Variants in MAMLD1 observed in about 807,000 individuals in gnomAD.
MAMLD1 encodes mastermind like domain containing 1, also known as mastermind-like domain-containing protein 1.
In MAMLD1, 14 loss-of-function variants were observed where a neutral mutation model predicts 45.0. The observed-to-expected ratio is 0.31, with a 90% confidence interval of 0.21 to 0.49. The LOEUF (loss-of-function observed/expected upper bound fraction) is 0.49, where lower values mean the gene tolerates loss of function less well. Ranked by LOEUF, MAMLD1 falls within the 20% of genes least tolerant of loss-of-function variation. MAMLD1 has a pLI of 0.99. For missense variants in MAMLD1, 543 were observed against 603.6 expected, an observed-to-expected ratio of 0.90 and a Z score of 1.05; for synonymous variants, 254 against 247.8, an observed-to-expected ratio of 1.02 and a Z score of -0.24.
At chrX:150,453,227 G>A (rs950058682) in intron 2 of MAMLD1, among the ~76,000 whole-genome samples, 1 of 111,778 alleles carries the variant, frequency 8.9e-6, no homozygotes, top group African/African-American at 3.3e-5. Flanking sequence ...TCCAGCCCAC[G>A]GGCTGTTTTT....
At position 150,367,794 on chromosome X, in the gene MAMLD1, G is replaced by T. The variant is rs376378889; in HGVS notation, c.-64+4264G>T. 5.2e-4 allele frequency among the ~76,000 whole-genome samples: 56 copies of T among 108,647 alleles called. No individual in the cohort carries two copies. The East Asian group carries it at 0.015, about 30-fold the overall frequency. The allele number at this position is 108,647 out of a possible 115,157, so 94.3% of individuals were successfully genotyped here. A position where few individuals can be genotyped will look rare whatever the true frequency, so the allele number is the denominator to read the frequency against. On this transcript the variant is annotated intron_variant, in intron 1 of 7. Transcript: ENST00000370401. ...CTCATTGTTCAATTCCCACCTATGA[G>T]TGAGAACATGCGGTGTTTGGTTTTT...
At chrX:150,377,557 G>A (rs1329982589) in intron 1 of MAMLD1, among the ~76,000 whole-genome samples, 6 of 111,232 alleles carry the variant, frequency 5.4e-5, no homozygotes, top group Non-Finnish European at 1.1e-4. Flanking sequence ...CTCTTGTCCT[G>A]CTGTTTCTTA....
intron 1 of MAMLD1, among the ~76,000 whole-genome samples, chrX:150,412,670 GC>G (rs2034152273): frequency 9.1e-6 from 1 of 109,461 alleles, no homozygotes; most frequent in Non-Finnish European, 1.9e-5. Context: ...TCTCTTCCCC[GC>G]CCCATCCATA....
At chrX:150,482,807 A>G (rs2036860105) in intron 5 of MAMLD1, among the ~76,000 whole-genome samples, 1 of 112,495 alleles carries the variant, frequency 8.9e-6, no homozygotes, top group Non-Finnish European at 1.9e-5. Context: ...ATTGAGCATA[A>G]TGGCTGTCCC....
At chrX:150,466,746 G>A (rs1461133532) in intron 3 of MAMLD1, among the ~76,000 whole-genome samples, 1 of 111,810 alleles carries the variant, frequency 8.9e-6, no homozygotes, top group South Asian at 3.8e-4. Context: ...GTGTGTATAC[G>A]GGCTCTCATG....
chrX:150,477,583 T>G lies in MAMLD1; in HGVS notation c.2040+3781T>G, dbSNP rs182320782. Among the ~76,000 whole-genome samples, 770 of 111,545 alleles carry G rather than the reference T, an allele frequency of 6.9e-3. 5 individuals carry two copies. Among genetic ancestry groups the G allele is most frequent in the African/African-American group, 0.021 (645 of 30,689 alleles). On this transcript the variant is annotated intron_variant, in intron 5 of 7. Transcript: ENST00000370401. ...ACAGGTTGGTGACTCCAGAAGGAAG[T>G]AGAGCCGCCAAGCCAGGCTGTGGTT... is the stretch of plus-strand genomic sequence containing the variant.
At chrX:150,487,289 A>G (rs2037023102) in intron 5 of MAMLD1, among the ~76,000 whole-genome samples, 1 of 112,714 alleles carries the variant, frequency 8.9e-6, no homozygotes, top group Non-Finnish European at 1.9e-5. Context: ...TACTGTGTGA[A>G]CAACTTAAAA....
intron 1 of MAMLD1, among the ~76,000 whole-genome samples, chrX:150,415,235 C>A (rs1313233779): frequency 1.4e-4 from 16 of 112,694 alleles, no homozygotes; most frequent in Non-Finnish European, 1.9e-5. Flanking sequence ...GTGTGGGCTA[C>A]CCCCTCTAAC....
chrX:150,499,446 G>A (rs2037488145), intron 5 of MAMLD1, among the ~76,000 whole-genome samples: 2 of 111,967 alleles, frequency 1.8e-5, no homozygotes, highest in South Asian at 7.5e-4. Flanking sequence ...TTGCAAAGCA[G>A]CTGAATATCT....
intron 2 of MAMLD1, among the ~76,000 whole-genome samples, chrX:150,453,717 C>T (rs1054239611): frequency 9.0e-6 from 1 of 111,646 alleles, no homozygotes; most frequent in African/African-American, 3.3e-5. Flanking sequence ...TGCAAATTCA[C>T]GACTACTTCC....
intron 5 of MAMLD1, among the ~76,000 whole-genome samples, chrX:150,501,319 G>GTACTTTAAATA (rs2148354831): frequency 8.9e-6 from 1 of 112,427 alleles, no homozygotes; most frequent in East Asian, 2.8e-4. Flanking sequence ...CTCCAGTGTG[G>GTACTTTAAATA]CTATAAAATG....
rs782619891 is a variant in MAMLD1, at chrX:150,363,711, C to T, written c.-64+181C>T. Among the ~76,000 whole-genome samples, 10 of 112,775 alleles carry T rather than the reference C, an allele frequency of 8.9e-5. No individual in the cohort carries two copies. In the South Asian group the frequency reaches 3.6e-3, roughly 41 times the overall value. ...TGGCGCTGCGGGCGGCCACCCCCTT[C>T]TCGAACCAGCCCGGCTGGGCTGGGC... On this transcript the variant is annotated intron_variant, in intron 1 of 7. Coordinates refer to ENST00000370401, the MANE Select transcript of MAMLD1 (RefSeq NM_005491.5).
intron 5 of MAMLD1, among the ~76,000 whole-genome samples, chrX:150,489,031 C>T (rs2037088010): frequency 8.9e-6 from 1 of 112,593 alleles, no homozygotes; most frequent in Non-Finnish European, 1.9e-5. Context: ...TTTAAAACAA[C>T]CAATTCATGA....
chrX:150,476,652 C>T (rs1486781971), intron 5 of MAMLD1, among the ~76,000 whole-genome samples: 1 of 112,295 alleles, frequency 8.9e-6, no homozygotes, highest in Admixed American at 9.4e-5. Context: ...CTGTGCAGCA[C>T]AGAGGGAAGA....
intron 2 of MAMLD1, among the ~76,000 whole-genome samples, chrX:150,460,092 A>G (rs1030964077): frequency 1.8e-5 from 2 of 112,601 alleles, no homozygotes; most frequent in African/African-American, 3.2e-5. Context: ...TAGTACCACA[A>G]TAGTCATTTG....
At chrX:150,477,568 G>A (rs2036618909) in intron 5 of MAMLD1, among the ~76,000 whole-genome samples, 1 of 111,809 alleles carries the variant, frequency 8.9e-6, no homozygotes, top group Non-Finnish European at 1.9e-5. Flanking sequence ...ACAGGTTGGT[G>A]ACTCCAGAAG....
intron 1 of MAMLD1, among the ~76,000 whole-genome samples, chrX:150,392,374 C>T (rs1557402194): frequency 9.0e-6 from 1 of 111,226 alleles, no homozygotes; most frequent in African/African-American, 3.3e-5. Context: ...TCCAATCCAC[C>T]TCACTAATAC....
intron 6 of MAMLD1, chrX:150,504,440 C>T (rs1233675729): frequency 1.3e-6 from 1 of 749,966 alleles, no homozygotes; most frequent in Non-Finnish European, 1.6e-6. Context: ...TCTCTTTATC[C>T]TGCCTGCCCT....
intron 1 of MAMLD1, among the ~76,000 whole-genome samples, chrX:150,402,131 G>GGCAACCTACAAAATGGGAGAAAAGTTTC (rs1557402463): frequency 2.7e-5 from 3 of 110,866 alleles, no homozygotes; most frequent in African/African-American, 9.9e-5. Flanking sequence ...AGAGTGAACA[G>GGCAACCTACAAAATGGGAGAAAAGTTTC]GCAACCTACA....
Sources: gnomAD v4.1 joint callset for allele counts (sites outside exome capture counted in the v4.1 genomes callset) on GRCh38, gnomAD v4.1.1 for gene constraint, MANE v1.5 for transcripts, NCBI Gene and HGNC (gene_info 2026-07-23, HGNC 2026-07-21) for gene names.